ZFHX3: variants seen among roughly 807,000 people sequenced by gnomAD.
ZFHX3 encodes the protein zinc finger homeobox 3, also known as zinc finger homeobox protein 3.
In ZFHX3, 42 loss-of-function variants were observed where a neutral mutation model predicts 279.1. The ratio of observed to expected loss-of-function variants is 0.15; its 90% confidence interval spans 0.12 to 0.19. The LOEUF is 0.19. Ranked by LOEUF, ZFHX3 falls within the 10% of genes least tolerant of loss-of-function variation. ZFHX3 has a pLI of 1.00. For synonymous variants in ZFHX3, 2,293 were observed against 1,957.8 expected (o/e 1.17, Z -4.52); for missense variants, 4,981 against 4,754.0 (o/e 1.05, Z -1.40).
chr16:73,156,581 G>T (rs1449415008), intron 5 of ZFHX3, among the ~76,000 whole-genome samples: 1 of 152,016 alleles, frequency 6.6e-6, no homozygotes, highest in Non-Finnish European at 1.5e-5. Context: ...TTTTAGACAG[G>T]GTCTCACTCT....
In ZFHX3 at chr16:73,587,017, C is replaced by T. The variant is rs549007320; in HGVS notation, c.-1547+93163G>A. The stretch of plus-strand genomic sequence containing the variant: ...TACTTTTAAAAAATATGAATGTAAA[C>T]ACACACAAGACCACTGAAACAGGCT... On this transcript the variant is annotated intron_variant, in intron 2 of 17. Coordinates refer to the ZFHX3 transcript ENST00000641206. Among the ~76,000 whole-genome samples, 12 of 152,128 alleles carry T rather than the reference C, an allele frequency of 7.9e-5. No individual in the cohort carries two copies. In the East Asian group the frequency reaches 1.9e-3, roughly 25 times the overall value.
chr16:72,795,371 A>C lies in ZFHX3; in HGVS notation c.7311T>G (p.Ser2437Arg). The change falls in exon 9 of 10, where the codon AGT becomes AGG. Residue 2437 changes from serine (S) to arginine (R), a missense_variant. Physicochemically the swap from Ser to Arg is moderately radical, Grantham distance 110. This residue lies in a region of ZFHX3 where 744 missense variants were observed against 701.3 expected (regional missense o/e 1.06). Coordinates refer to ENST00000268489, the MANE Select transcript of ZFHX3 (RefSeq NM_006885.4). ...DEKPKLAEAPSAQPNQTQEKQ... is the reference protein window; with the variant it reads ...DEKPKLAEAPRAQPNQTQEKQ... ...TTTCTTGGGTTTGGTTTGGCTGTGC[A>C]CTGGGAGCTTCCGCCAGCTTTGGTT... 6.2e-7 allele frequency: 1 copy of C among 1,614,068 alleles called. No homozygotes were observed. The highest frequency in any genetic ancestry group is 2.2e-5 in the East Asian group (1 of 44,870).
intron 1 of ZFHX3, among the ~76,000 whole-genome samples, chr16:72,989,181 A>T (rs890919345): frequency 6.6e-6 from 1 of 151,334 alleles, no homozygotes; most frequent in East Asian, 1.9e-4. Context: ...CTCAAATTAA[A>T]AAAAAAAAAA....
intron 3 of ZFHX3, among the ~76,000 whole-genome samples, chr16:73,413,744 G>A (rs1344787609): frequency 6.6e-6 from 1 of 152,002 alleles, no homozygotes; most frequent in Non-Finnish European, 1.5e-5. Flanking sequence ...CATACCTAGG[G>A]GCATTGTTCA....
At chr16:73,411,667 T>C (rs960079226) in intron 3 of ZFHX3, among the ~76,000 whole-genome samples, 1 of 152,232 alleles carries the variant, frequency 6.6e-6, no homozygotes, top group African/African-American at 2.4e-5. Context: ...ATCCAGGAGA[T>C]AGTACATAAA....
intron 7 of ZFHX3, among the ~76,000 whole-genome samples, chr16:73,097,794 C>T (rs1425424406): frequency 2.0e-5 from 3 of 152,188 alleles, no homozygotes; most frequent in Non-Finnish European, 4.4e-5. Context: ...TATGAATTTG[C>T]TATTCTGAAC....
intron 7 of ZFHX3, among the ~76,000 whole-genome samples, chr16:73,100,262 G>C (rs1467964194): frequency 6.6e-6 from 1 of 152,176 alleles, no homozygotes; most frequent in Admixed American, 6.5e-5. Flanking sequence ...AGACAGCTGA[G>C]GGATGACCCT....
At chr16:73,117,018 C>A (rs747072443) in intron 7 of ZFHX3, among the ~76,000 whole-genome samples, 1 of 152,152 alleles carries the variant, frequency 6.6e-6, no homozygotes, top group Non-Finnish European at 1.5e-5. Context: ...CTACCCAAGG[C>A]TATTGTCTTT....
chr16:73,098,449 C>T (rs556925777), intron 7 of ZFHX3, among the ~76,000 whole-genome samples: 1 of 152,012 alleles, frequency 6.6e-6, no homozygotes, highest in South Asian at 2.1e-4. Flanking sequence ...GCAACCTCTA[C>T]CTCCTGGGTT....
At chr16:73,684,925 T>C (rs1230423347) in intron 1 of ZFHX3, among the ~76,000 whole-genome samples, 1 of 152,070 alleles carries the variant, frequency 6.6e-6, no homozygotes, top group Non-Finnish European at 1.5e-5. Flanking sequence ...GGTCTTGAAC[T>C]CCTGACCTCA....
intron 5 of ZFHX3, among the ~76,000 whole-genome samples, chr16:72,818,010 A>G (rs2036663697): frequency 1.3e-5 from 2 of 152,210 alleles, no homozygotes; most frequent in Admixed American, 6.5e-5. Context: ...ATCGCCTTAC[A>G]TTCCGTAAAC....
chr16:72,984,148 G>A (rs1456206429), intron 1 of ZFHX3, among the ~76,000 whole-genome samples: 1 of 152,140 alleles, frequency 6.6e-6, no homozygotes, highest in Non-Finnish European at 1.5e-5. Context: ...CTCCCCATCT[G>A]ATAGTTTCAC....
chr16:73,655,516 C>T (rs1018038304), intron 2 of ZFHX3, among the ~76,000 whole-genome samples: 2 of 152,012 alleles, frequency 1.3e-5, no homozygotes, highest in Admixed American at 6.5e-5. Flanking sequence ...TTAAAAGATA[C>T]TGATTACATT....
chr16:73,422,008 G>C (rs1321316406), intron 3 of ZFHX3, among the ~76,000 whole-genome samples: 1 of 152,104 alleles, frequency 6.6e-6, no homozygotes, highest in Non-Finnish European at 1.5e-5. Flanking sequence ...CCTGCTTGGA[G>C]CTTCCTCATG....
chr16:73,110,854 G>A (rs1966363955), intron 7 of ZFHX3, among the ~76,000 whole-genome samples: 1 of 152,130 alleles, frequency 6.6e-6, no homozygotes, highest in South Asian at 2.1e-4. Flanking sequence ...GTGAACCACC[G>A]TGCCTGGCCT....
At chr16:73,556,240 G>T (rs888263620) in intron 2 of ZFHX3, among the ~76,000 whole-genome samples, 5 of 152,152 alleles carry the variant, frequency 3.3e-5, no homozygotes, top group African/African-American at 1.2e-4. Context: ...GGCACACCGA[G>T]CCCAGAGACA....
At chr16:73,484,094 C>T (rs940229337) in intron 2 of ZFHX3, among the ~76,000 whole-genome samples, 5 of 151,918 alleles carry the variant, frequency 3.3e-5, no homozygotes, top group Non-Finnish European at 7.4e-5. Context: ...TTCTGTTGCC[C>T]GAGCCCAGGG....
intron 1 of ZFHX3, among the ~76,000 whole-genome samples, chr16:73,842,773 T>C (rs140267819): frequency 9.9e-5 from 15 of 152,264 alleles, no homozygotes; most frequent in African/African-American, 3.6e-4. Flanking sequence ...CCACCAGCCA[T>C]AGTCAGGGTA....
chr16:73,309,485 C>A (rs1366675069), intron 4 of ZFHX3, among the ~76,000 whole-genome samples: 2 of 152,096 alleles, frequency 1.3e-5, no homozygotes, highest in Admixed American at 6.5e-5. Flanking sequence ...AATGTGCACT[C>A]CTGCAAGGAA....
Sources: gnomAD v4.1 joint callset for allele counts (sites outside exome capture counted in the v4.1 genomes callset) on GRCh38, gnomAD v4.1.1 for gene constraint, gnomAD v4.1.1 regional missense constraint, MANE v1.5 for transcripts, NCBI Gene and HGNC (gene_info 2026-07-23, HGNC 2026-07-21) for gene names.